ABCA10: variants seen among roughly 807,000 people sequenced by gnomAD.
The protein encoded by ABCA10 is ATP-binding cassette sub-family A member 10.
A neutral mutation model predicts 187.5 loss-of-function variants in ABCA10; 169 were observed. The ratio of observed to expected loss-of-function variants is 0.90; its 90% CI spans 0.80 to 1.02. The LOEUF (loss-of-function observed/expected upper bound fraction) is 1.02. ABCA10 is among the 50% of genes least tolerant of loss of function. The probability of loss-of-function intolerance (pLI) is 0.00; values close to 1 mark genes in which losing one functional copy is unlikely to be tolerated. For synonymous variants in ABCA10, 574 were observed against 601.8 expected, an observed-to-expected ratio of 0.95 and a Z score of 0.68; for missense variants, 1,727 against 1,812.4, an observed-to-expected ratio of 0.95 and a Z score of 0.86.
chr17:69,225,002 T>C (rs2074781780), intron 3 of ABCA10, among the ~76,000 whole-genome samples: 1 of 152,166 alleles, frequency 6.6e-6, no homozygotes. Context: ...TATAAAGTTT[T>C]TTAAGTTAAG....
chr17:69,155,794 C>T lies in ABCA10; in HGVS notation c.3576+11G>A. 6.2e-7 allele frequency: 1 copy of T among 1,613,192 alleles called. No homozygotes were observed. The highest frequency in any genetic ancestry group is 8.5e-7 in the Non-Finnish European group (1 of 1,179,456). On this transcript the variant is annotated intron_variant, in intron 29 of 38. Coordinates refer to ENST00000690296, the MANE Select transcript of ABCA10 (RefSeq NM_001377321.1). ...GAGCATTTTATTAAGGGTCTAATCC[C>T]TGCTGTTCACCTCCTCCAAGTTTGG...
At position 69,187,880 on chromosome 17, in the gene ABCA10, C is replaced by T. The variant is rs1397518959; in HGVS notation, c.2132-1G>A. ...TTCTCTTGTTTCCCAATGTCAAAAT[C>T]TACAATCATGTAATAAAACATTTTA... On this transcript the variant is annotated splice_acceptor_variant, in intron 18 of 38. Coordinates refer to ENST00000690296, the MANE Select transcript of ABCA10 (RefSeq NM_001377321.1). LOFTEE classifies it high-confidence loss of function. 1 of 1,612,726 alleles carries T rather than the reference C, an allele frequency of 6.2e-7. No homozygotes were observed. Among genetic ancestry groups the T allele is most frequent in the Non-Finnish European group, 8.5e-7 (1 of 1,178,964 alleles).
At chr17:69,203,332 G>T (rs1173693917) in intron 9 of ABCA10, among the ~76,000 whole-genome samples, 2 of 152,134 alleles carry the variant, frequency 1.3e-5, no homozygotes, top group African/African-American at 2.4e-5. Context: ...TTTATTCATA[G>T]AAATTATAGT....
chr17:69,192,625 C>T lies in ABCA10; in HGVS notation c.1809G>A (p.Lys603=). Residue 603 remains lysine (K), a synonymous_variant, in exon 16 of 39, where the codon AAG becomes AAA. Transcript: ENST00000690296. Reference sequence around the variant, plus strand: ...ACAAAGATGATCCTGCACATTTCAACTTCCCATTAGACAGAAATACTTTCC... The same window carrying T: ...ACAAAGATGATCCTGCACATTTCAATTTCCCATTAGACAGAAATACTTTCC... ...ADRKVFLSNG[K]LKCAGSSLFL... The T allele has an allele frequency of 1.2e-6, 2 of 1,613,580 alleles. No individual in the cohort carries two copies. The highest frequency in any genetic ancestry group is 1.7e-6 in the Non-Finnish European group (2 of 1,179,872).
chr17:69,199,193 T>C (rs925063638), intron 10 of ABCA10, among the ~76,000 whole-genome samples: 2 of 152,226 alleles, frequency 1.3e-5, no homozygotes, highest in African/African-American at 4.8e-5. Context: ...TCCTTTTGAC[T>C]TTCCCCACTA....
intron 22 of ABCA10, among the ~76,000 whole-genome samples, chr17:69,177,965 A>ATATAT (rs1555659730): frequency 2.2e-4 from 27 of 125,312 alleles, no homozygotes; most frequent in African/African-American, 7.4e-4. Flanking sequence ...CAAAAAAAAA[A>ATATAT]AAAAAAAAAT....
chr17:69,198,875 C>A (rs1330934852), intron 10 of ABCA10, among the ~76,000 whole-genome samples: 1 of 152,146 alleles, frequency 6.6e-6, no homozygotes, highest in Admixed American at 6.5e-5. Context: ...TTCTGGTTAC[C>A]TAATTTGCCT....
At chr17:69,153,693 T>C in intron 32 of ABCA10, 138 bp downstream of exon 32, 2 of 1,439,712 alleles carry the variant, frequency 1.4e-6, no homozygotes, top group Non-Finnish European at 1.9e-6. Flanking sequence ...TATGATTTGG[T>C]TCTTATTCAG....
intron 6 of ABCA10, among the ~76,000 whole-genome samples, chr17:69,218,167 AC>A (rs2074720536): frequency 6.6e-6 from 1 of 152,182 alleles, no homozygotes; most frequent in Admixed American, 6.5e-5. Context: ...AAAAGGAAAA[AC>A]AAACCTGAAT....
intron 9 of ABCA10, among the ~76,000 whole-genome samples, chr17:69,203,004 G>A (rs543495952): frequency 1.3e-5 from 2 of 152,258 alleles, no homozygotes; most frequent in Admixed American, 1.3e-4. Flanking sequence ...TAGGGGGATG[G>A]AGCTGAGCAA....
In ABCA10 at chr17:69,174,388, A is replaced by C; in HGVS notation, c.3055T>G (p.Cys1019Gly). The change falls in exon 25 of 39, where the codon TGC (cysteine) becomes GGC (glycine). Residue 1019 changes from cysteine (C) to glycine (G), a missense_variant. By Grantham distance (159) the Cys-to-Gly change is radical. Transcript: ENST00000690296. ...SWELMFVLVVCIIGCAVSLIF... is the reference protein window; with the variant it reads ...SWELMFVLVVGIIGCAVSLIF... ...AGAGAAACTGCACAACCAATTATGC[A>C]TACCACCTGCAAATAATGAGGATCA... 1.9e-6 allele frequency: 3 copies of C among 1,586,980 alleles called. No homozygotes were observed. The South Asian group carries it at 3.5e-5, about 18-fold the overall frequency.
chr17:69,193,970 A>G lies in ABCA10; in HGVS notation c.1365T>C (p.Asn455=), dbSNP rs747125675. 9 of 1,600,402 alleles carry G rather than the reference A, an allele frequency of 5.6e-6. 1 individual carries two copies. In the East Asian group the frequency reaches 1.8e-4, roughly 32 times the overall value. ...VSTEGSATIY[N]TQLSEITDME... The stretch of plus-strand genomic sequence containing the variant: ...TGTCAGTTATTTCAGAGAGTTGAGT[A>G]TTATAAATAGTGGCTGATCCTATAA... The change falls in exon 13 of 39, where the codon AAT becomes AAC. Residue 455 remains asparagine (N), a synonymous_variant. Transcript: ENST00000690296.
chr17:69,207,124 G>A (rs1278681422), intron 9 of ABCA10, among the ~76,000 whole-genome samples: 1 of 152,106 alleles, frequency 6.6e-6, no homozygotes, highest in Non-Finnish European at 1.5e-5. Flanking sequence ...AAATGGCCAA[G>A]AAGAATATGA....
intron 9 of ABCA10, among the ~76,000 whole-genome samples, chr17:69,210,334 C>T (rs1325238870): frequency 3.4e-5 from 5 of 148,836 alleles, no homozygotes; most frequent in South Asian, 2.1e-4. Flanking sequence ...GGACTACAGG[C>T]GCCCGCCACC....
In ABCA10 at chr17:69,192,614, G is replaced by A. The variant is rs2074469160; in HGVS notation, c.1820C>T (p.Ala607Val). ...TCGCTTCAGAAACAAAGATGATCCT[G>A]CACATTTCAACTTCCCATTAGACAG... ...VFLSNGKLKC[A>V]GSSLFLKRKW... The change falls in exon 16 of 39, where the codon GCA becomes GTA. Residue 607 changes from alanine (A) to valine (V), a missense_variant. Physicochemically the swap from Ala to Val is moderately conservative, Grantham distance 64. Coordinates refer to ENST00000690296, the MANE Select transcript of ABCA10 (RefSeq NM_001377321.1). 1.2e-6 allele frequency: 2 copies of A among 1,613,438 alleles called. No homozygotes were observed. The highest frequency in any genetic ancestry group is 1.1e-5 in the South Asian group (1 of 91,054).
At chr17:69,219,244 A>G (rs1347578181) in intron 6 of ABCA10, among the ~76,000 whole-genome samples, 1 of 152,182 alleles carries the variant, frequency 6.6e-6, no homozygotes. Context: ...AAGTCCACCC[A>G]TACTGCAGAC....
In ABCA10 at chr17:69,193,536, T is replaced by G; in HGVS notation, c.1598A>C (p.Lys533Thr). 2 of 1,613,746 alleles carry G rather than the reference T, an allele frequency of 1.2e-6. No individual in the cohort carries two copies. The highest frequency in any genetic ancestry group is 1.7e-6 in the Non-Finnish European group (2 of 1,179,788). ...GGCAATCCCTAGTGTTAGTTTTCTC[T>G]TCTGCCCACCACTTAATTTTTTAGC... ...IIAKKLSGGQ[K>T]RKLTLGIAIL... The change falls in exon 14 of 39, where the codon AAG (lysine) becomes ACG (threonine). Residue 533 changes from lysine to threonine, a missense_variant. Coordinates refer to ENST00000690296, the MANE Select transcript of ABCA10 (RefSeq NM_001377321.1).
intron 35 of ABCA10, 50 bp from the exon 36 acceptor site, chr17:69,152,233 C>G (rs370844691): frequency 5.8e-5 from 92 of 1,583,940 alleles, no homozygotes; most frequent in African/African-American, 5.2e-4. Context: ...ATTTCTTCCT[C>G]GGTTCTCACT....
intron 27 of ABCA10, among the ~76,000 whole-genome samples, chr17:69,160,152 T>A (rs567938359): frequency 5.3e-5 from 8 of 152,236 alleles, no homozygotes; most frequent in African/African-American, 1.9e-4. Flanking sequence ...ATTAAAATAT[T>A]CTGTGCATCA....
Sources: allele counts gnomAD v4.1 joint callset (sites outside exome capture counted in the v4.1 genomes callset), GRCh38; gene constraint gnomAD v4.1.1; transcripts MANE v1.5; gene names NCBI Gene and HGNC (gene_info 2026-07-23, HGNC 2026-07-21).